The following KDM2A variants were observed in gnomAD, a reference collection of about 807,000 sequenced individuals.
KDM2A encodes the protein lysine-specific demethylase 2A.
Under a neutral mutation model 137.3 loss-of-function variants are expected in KDM2A, and 3 were observed. That is an observed-to-expected ratio of 0.02 (90% CI 0.01 to 0.06). The LOEUF is 0.06. KDM2A is among the 10% of genes least tolerant of loss of function. The pLI is 1.00. For synonymous variants in KDM2A, 512 were observed against 541.5 expected (o/e 0.95, Z 0.76); for missense variants, 738 against 1,510.6 (o/e 0.49, Z 8.48).
chr11:67,218,002 T>C lies in KDM2A; in HGVS notation c.841+118T>C, dbSNP rs922626500. Reference sequence around the variant, plus strand: ...GGGCGTCTGCAGAAAACAACAGTGTTTCTTCCTGTCATTATGGAATAGATG... The same window carrying C: ...GGGCGTCTGCAGAAAACAACAGTGTCTCTTCCTGTCATTATGGAATAGATG... On this transcript the variant is annotated intron_variant, in intron 9 of 20. Coordinates refer to ENST00000529006, the MANE Select transcript of KDM2A (RefSeq NM_012308.3). The C allele has an allele frequency of 5.7e-5, 51 of 896,744 alleles. 1 individual carries two copies. The highest frequency in any genetic ancestry group is 2.9e-4 in the Middle Eastern group (1 of 3,442). The allele number at this position is 896,744 out of a possible 1,614,324, so 55.5% of individuals were successfully genotyped here.
intron 2 of KDM2A, among the ~76,000 whole-genome samples, chr11:67,128,174 T>A (rs183969307): frequency 4.2e-4 from 64 of 152,124 alleles, no homozygotes; most frequent in African/African-American, 1.5e-3. Context: ...GGCTTATTTT[T>A]AAATTCTTTC....
chr11:67,128,616 T>G (rs965973074), intron 2 of KDM2A, among the ~76,000 whole-genome samples: 1 of 152,190 alleles, frequency 6.6e-6, no homozygotes, highest in Non-Finnish European at 1.5e-5. Context: ...TTTATTCTTA[T>G]ACATCAGTCT....
rs1004676691 is a variant in KDM2A, at chr11:67,210,078, A to C, written c.486+2390A>C. ...AAAATAATAAAATGATAAAAAATGT[A>C]AATAGAAGCCGAGCATGGTGGCTCA... On this transcript the variant is annotated intron_variant, in intron 6 of 20. Transcript: ENST00000529006. Among the ~76,000 whole-genome samples the C allele has an allele frequency of 2.6e-5, 4 of 151,950 alleles. No homozygotes were observed. In the South Asian group the frequency reaches 8.3e-4, roughly 31 times the overall value.
intron 2 of KDM2A, among the ~76,000 whole-genome samples, chr11:67,133,182 C>T (rs898179982): frequency 6.6e-6 from 1 of 152,310 alleles, no homozygotes; most frequent in Middle Eastern, 3.4e-3. Flanking sequence ...TCAGTGCAAT[C>T]TCCGCCTTCA....
intron 5 of KDM2A, among the ~76,000 whole-genome samples, chr11:67,184,487 G>T (rs548385006): frequency 1.3e-5 from 2 of 152,280 alleles, no homozygotes; most frequent in South Asian, 2.1e-4. Context: ...AATTAGCTGG[G>T]CGTGGTGGTG....
At chr11:67,216,071 T>C in intron 8 of KDM2A, 122 bp downstream of exon 8, 1 of 773,534 alleles carries the variant, frequency 1.3e-6, no homozygotes, top group South Asian at 1.5e-5. Context: ...CATTCGTATC[T>C]GGAAAGAATT....
At chr11:67,198,073 T>C (rs565522816) in intron 5 of KDM2A, among the ~76,000 whole-genome samples, 50 of 152,342 alleles carry the variant, frequency 3.3e-4, no homozygotes, top group African/African-American at 6.0e-4. Context: ...TTCATCTTCA[T>C]GATGAGTAGG....
chr11:67,223,036 T>C (rs562552143), intron 10 of KDM2A, among the ~76,000 whole-genome samples: 1 of 151,616 alleles, frequency 6.6e-6, no homozygotes, highest in East Asian at 2.0e-4. Context: ...CTACTAAAAA[T>C]ACAAAATTAG....
chr11:67,249,634 T>C (rs905766659), intron 16 of KDM2A, among the ~76,000 whole-genome samples: 1 of 152,208 alleles, frequency 6.6e-6, no homozygotes, highest in Non-Finnish European at 1.5e-5. Flanking sequence ...GAGAGGTTCT[T>C]GTTATCTGCT....
chr11:67,237,426 G>A (rs982104610), intron 12 of KDM2A, among the ~76,000 whole-genome samples: 1 of 151,402 alleles, frequency 6.6e-6, no homozygotes, highest in African/African-American at 2.4e-5. Flanking sequence ...ATTTTTAAAT[G>A]TTTTTAAATT....
At position 67,228,060 on chromosome 11, in the gene KDM2A, A is replaced by G. The variant is rs1208151770; in HGVS notation, c.981A>G (p.Pro327=). ...RTRVPNKFRY[P]FYYEMCWYVL... Reference sequence around the variant, plus strand: ...AGGTTCCAAATAAGTTTCGCTATCCATTCTACTATGAGATGTGTTGGTATG... The same window carrying G: ...AGGTTCCAAATAAGTTTCGCTATCCGTTCTACTATGAGATGTGTTGGTATG... The change falls in exon 11 of 21, where the codon CCA becomes CCG. Residue 327 remains proline, a synonymous_variant. Transcript: ENST00000529006. 34 of 1,613,254 alleles carry G rather than the reference A, an allele frequency of 2.1e-5. No homozygotes were observed. The highest frequency in any genetic ancestry group is 2.6e-5 in the Non-Finnish European group (31 of 1,179,288).
chr11:67,249,426 T>C (rs1270144654), intron 16 of KDM2A, among the ~76,000 whole-genome samples: 1 of 152,210 alleles, frequency 6.6e-6, no homozygotes, highest in Non-Finnish European at 1.5e-5. Context: ...ATAAAATGTC[T>C]CCTTGCAAAA....
At chr11:67,179,880 G>T (rs200511017) in intron 2 of KDM2A, among the ~76,000 whole-genome samples, 199 bp from the exon 3 acceptor site, 2 of 152,164 alleles carry the variant, frequency 1.3e-5, no homozygotes, top group Non-Finnish European at 2.9e-5. Context: ...AGAGGACCCA[G>T]TGGCTCATTG....
At chr11:67,215,044 T>G (rs2136394244) in intron 6 of KDM2A, among the ~76,000 whole-genome samples, 1 of 152,312 alleles carries the variant, frequency 6.6e-6, no homozygotes, top group East Asian at 1.9e-4. Flanking sequence ...AGTATTGACA[T>G]AGAAGAGAGT....
Position 67,156,516 on chromosome 11 carries a change from G to A in KDM2A, c.43-23563G>A, listed in dbSNP as rs1856518027. Among the ~76,000 whole-genome samples, 3 of 151,892 alleles carry A rather than the reference G, an allele frequency of 2.0e-5. No homozygotes were observed. In the South Asian group the frequency reaches 6.2e-4, roughly 32 times the overall value. ...GCGGATCACGAGGTCAGGAGATCGA[G>A]ACCATCCTGGCTAACACAGTGAAAC... On this transcript the variant is annotated intron_variant, in intron 2 of 20. Transcript: ENST00000529006.
chr11:67,196,245 G>T, intron 5 of KDM2A: 1 of 456,168 alleles, frequency 2.2e-6, no homozygotes, highest in Non-Finnish European at 4.4e-6. Flanking sequence ...CTCAGATGCA[G>T]GCTACCACTG....
chr11:67,225,681 A>G (rs1020448007), intron 10 of KDM2A, among the ~76,000 whole-genome samples: 56 of 152,152 alleles, frequency 3.7e-4, no homozygotes, highest in African/African-American at 1.3e-3. Context: ...GAGGCAGGAA[A>G]ATCGCTTGAA....
chr11:67,205,158 T>C (rs1857764603), intron 5 of KDM2A, among the ~76,000 whole-genome samples: 1 of 152,218 alleles, frequency 6.6e-6, no homozygotes, highest in Admixed American at 6.5e-5. Context: ...GCATTTTTGC[T>C]AGCACTCATT....
intron 6 of KDM2A, among the ~76,000 whole-genome samples, chr11:67,209,163 C>T (rs1857902151): frequency 1.3e-5 from 2 of 151,746 alleles, no homozygotes; most frequent in Non-Finnish European, 2.9e-5. Flanking sequence ...GAACTCCTGA[C>T]CTCAAGTGAT....
Sources: gnomAD v4.1 joint callset for allele counts (sites outside exome capture counted in the v4.1 genomes callset) on GRCh38, gnomAD v4.1.1 for gene constraint, MANE v1.5 for transcripts, NCBI Gene and HGNC (gene_info 2026-07-23, HGNC 2026-07-21) for gene names.